Variants in CMIP observed in about 807,000 individuals in gnomAD.
CMIP encodes the protein C-Maf-inducing protein.
A neutral mutation model predicts 97.3 loss-of-function variants in CMIP; 13 were observed. The observed-to-expected ratio is 0.13, with a 90% CI of 0.09 to 0.21. CMIP has a LOEUF of 0.21. Among genes scored for constraint, CMIP ranks in the 10% least tolerant of loss-of-function variants. The pLI is 1.00. For synonymous variants in CMIP, 538 were observed against 436.3 expected (o/e 1.23, Z -2.91); for missense variants, 847 against 1,024.9 (o/e 0.83, Z 2.37).
At chr16:81,706,195 C>T (rs1567677708) in intron 19 of CMIP, among the ~76,000 whole-genome samples, 1 of 152,238 alleles carries the variant, frequency 6.6e-6, no homozygotes, top group Non-Finnish European at 1.5e-5. Flanking sequence ...TGTATTTGAC[C>T]AGCTTTCCCT....
intron 1 of CMIP, among the ~76,000 whole-genome samples, chr16:81,596,533 A>T (rs967303451): frequency 4.0e-5 from 6 of 151,458 alleles, no homozygotes; most frequent in Admixed American, 3.9e-4. Context: ...AAAAATTTCA[A>T]TTGGAACATT....
chr16:81,692,530 G>A (rs566891313), intron 11 of CMIP, among the ~76,000 whole-genome samples: 2 of 152,324 alleles, frequency 1.3e-5, no homozygotes, highest in South Asian at 2.1e-4. Context: ...TGGGGCTCTC[G>A]AAGGAGCCGA....
At chr16:81,544,731 A>G (rs1032466963) in intron 1 of CMIP, among the ~76,000 whole-genome samples, 5 of 147,936 alleles carry the variant, frequency 3.4e-5, no homozygotes, top group African/African-American at 7.6e-5. Flanking sequence ...GTATATGTGC[A>G]TGTGTGTGTG....
rs534931969 is a variant in CMIP at position 81,702,318 on chromosome 16, C to T, written c.1897-304C>T. Among the ~76,000 whole-genome samples the T allele has an allele frequency of 7.2e-5, 11 of 152,158 alleles. No individual in the cohort carries two copies. In the South Asian group the frequency reaches 1.0e-3, roughly 14 times the overall value. On this transcript the variant is annotated intron_variant, in intron 16 of 20. Transcript: ENST00000537098. ...TGGCTTCTCCACCATTTCTTAGAGT[C>T]CCCCGGTGGGATTTGGTGCCAGTAC...
In CMIP at chr16:81,616,550, C is replaced by T. The variant is rs982364367; in HGVS notation, c.427-4326C>T. ...GCGTCATCGCACTTAGTTCGCCAGC[C>T]TGTGTCATACCTGTTTAGCTGGGAT... On this transcript the variant is annotated intron_variant, in intron 2 of 20. Coordinates refer to ENST00000537098, the MANE Select transcript of CMIP (RefSeq NM_198390.3). This position sits in a 1 kb window ranked among gnomAD's most constrained non-coding sequence, Gnocchi z 4.7. Among the ~76,000 whole-genome samples, 1 of 152,234 alleles carries T rather than the reference C, an allele frequency of 6.6e-6. No homozygotes were observed. The highest frequency in any genetic ancestry group is 2.4e-5 in the African/African-American group (1 of 41,458).
Position 81,709,796 on chromosome 16 carries a change from G to A in CMIP, c.2319G>A (p.Trp773Ter). The change falls in exon 21 of 21, where the codon TGG becomes TGA. Residue 773 changes from tryptophan to a stop codon, truncating the protein, a stop_gained. Transcript: ENST00000537098. LOFTEE classifies it high-confidence loss of function. ...TGGACGTCCGCTACACCGAAGCCTG[G>A]TGAAGCTCCCAGCTCAAGGCAGGAA... is the stretch of plus-strand genomic sequence containing the variant. ...KEVDVRYTEA[W>*] The A allele has an allele frequency of 1.2e-6, 2 of 1,613,896 alleles. No individual in the cohort carries two copies. Among genetic ancestry groups the A allele is most frequent in the Non-Finnish European group, 1.7e-6 (2 of 1,179,854 alleles).
At chr16:81,582,885 G>A (rs192999529) in intron 1 of CMIP, among the ~76,000 whole-genome samples, 40 of 152,278 alleles carry the variant, frequency 2.6e-4, no homozygotes, top group Admixed American at 2.0e-3. Flanking sequence ...AAGAGTGCAC[G>A]GCAGTTGGGG....
chr16:81,451,780 C>G (rs867586119), intron 1 of CMIP, among the ~76,000 whole-genome samples: 88 of 152,200 alleles, frequency 5.8e-4, no homozygotes, highest in African/African-American at 2.0e-3. Context: ...GCAGCTCCAC[C>G]TGAGGGCATT....
chr16:81,504,641 CAAAAAAAAA>C lies in CMIP; in HGVS notation c.300+59117_300+59125del, dbSNP rs149715666. ...CTCGGCGACAGAGTGAGACTCGTCT[CAAAAAAAAA>C]AAAAAAAAAAAAAAAAGAAAAGAAA... On this transcript the variant is annotated intron_variant, in intron 1 of 20. Transcript: ENST00000537098. Among the ~76,000 whole-genome samples the C allele has an allele frequency of 2.9e-4, 21 of 71,990 alleles. No homozygotes were observed. The South Asian group carries it at 4.9e-3, about 17-fold the overall frequency. The allele number at this position is 71,990 out of a possible 152,430, so 47.2% of individuals were successfully genotyped here.
chr16:81,528,319 C>T lies in CMIP; in HGVS notation c.301-79248C>T, dbSNP rs535665396. On this transcript the variant is annotated intron_variant, in intron 1 of 20. Transcript: ENST00000537098. Reference sequence around the variant, plus strand: ...TAAACAATGCCAAGGCTGGCCCTTCCTCCTATGACCCTGTGGCTCCCCAGT... The same window carrying T: ...TAAACAATGCCAAGGCTGGCCCTTCTTCCTATGACCCTGTGGCTCCCCAGT... Among the ~76,000 whole-genome samples the T allele has an allele frequency of 1.7e-4, 26 of 152,180 alleles. No individual in the cohort carries two copies. In the South Asian group the frequency reaches 5.4e-3, roughly 32 times the overall value.
intron 1 of CMIP, among the ~76,000 whole-genome samples, chr16:81,561,533 A>G (rs556339290): frequency 1.8e-4 from 28 of 152,218 alleles, no homozygotes; most frequent in South Asian, 1.2e-3. Flanking sequence ...GGGGGCTACT[A>G]TAGAGTGAGG....
intron 1 of CMIP, among the ~76,000 whole-genome samples, chr16:81,480,006 C>G (rs935826256): frequency 6.6e-6 from 1 of 152,188 alleles, no homozygotes; most frequent in African/African-American, 2.4e-5. Flanking sequence ...ACAATGGGAT[C>G]ACCTGGGGAT....
chr16:81,550,667 C>G (rs1359929149), intron 1 of CMIP, among the ~76,000 whole-genome samples: 1 of 152,160 alleles, frequency 6.6e-6, no homozygotes, highest in Non-Finnish European at 1.5e-5. Flanking sequence ...TCTACCTGAT[C>G]AATTAGAAAC....
At chr16:81,469,112 C>A (rs8062519) in intron 1 of CMIP, among the ~76,000 whole-genome samples, 2,325 of 152,354 alleles carry the variant, frequency 0.015, 50 homozygotes, top group African/African-American at 0.053. Context: ...GGGCCCAGTT[C>A]GTTGCCAACA....
At chr16:81,650,336 A>G (rs950324830) in intron 3 of CMIP, among the ~76,000 whole-genome samples, 20 of 152,112 alleles carry the variant, frequency 1.3e-4, no homozygotes, top group Admixed American at 1.2e-3. Context: ...TTGATGTGCA[A>G]TGGGTGAATG....
At chr16:81,699,534 C>T (rs1907149014) in intron 14 of CMIP, 151 bp from the exon 15 acceptor site, 1 of 591,836 alleles carries the variant, frequency 1.7e-6, no homozygotes, top group South Asian at 1.9e-5. Flanking sequence ...TTCTTGCATC[C>T]CCCTGGGGCC....
At chr16:81,635,993 C>A (rs6564906) in intron 3 of CMIP, among the ~76,000 whole-genome samples, 62,615 of 151,580 alleles carry the variant, frequency 0.41, 13,562 homozygotes, top group East Asian at 0.57. Flanking sequence ...GAGGGAGGGC[C>A]GTGGTAAGGT....
At chr16:81,684,696 C>T (rs909254898) in intron 10 of CMIP, among the ~76,000 whole-genome samples, 2 of 152,366 alleles carry the variant, frequency 1.3e-5, no homozygotes, top group East Asian at 3.9e-4. Flanking sequence ...CTAAGGCCCT[C>T]TTCATGGGAG....
intron 19 of CMIP, among the ~76,000 whole-genome samples, chr16:81,706,508 C>T (rs1908158750): frequency 6.6e-6 from 1 of 152,238 alleles, no homozygotes; most frequent in African/African-American, 2.4e-5. Context: ...GCGCGGTCCT[C>T]ATCAACAGCA....
Sources: allele counts gnomAD v4.1 joint callset (sites outside exome capture counted in the v4.1 genomes callset), GRCh38; gene constraint gnomAD v4.1.1; non-coding constraint Gnocchi (gnomAD v3.1); transcripts MANE v1.5; gene names NCBI Gene and HGNC (gene_info 2026-07-23, HGNC 2026-07-21).